Variants in FGF12 observed in about 807,000 individuals in gnomAD.
The protein encoded by FGF12 is fibroblast growth factor 12.
FGF12 carries 14 observed loss-of-function variants against 23.6 expected under a neutral mutation model. The observed-to-expected ratio is 0.59, with a 90% CI of 0.39 to 0.93. FGF12 has a LOEUF of 0.93. Among genes scored for constraint, FGF12 ranks in the 40% least tolerant of loss-of-function variants. The pLI, the probability that FGF12 is intolerant of heterozygous loss-of-function variation, is 0.00. For missense variants in FGF12, 175 were observed against 217.8 expected (o/e 0.80, Z 1.24); for synonymous variants, 62 against 77.3 (o/e 0.80, Z 1.04).
intron 4 of FGF12, among the ~76,000 whole-genome samples, chr3:192,300,982 C>G (rs1279574646): frequency 6.6e-6 from 1 of 152,074 alleles, no homozygotes; most frequent in Admixed American, 6.6e-5. Context: ...GCCTGGAGGA[C>G]AGAGTAAGAT....
intron 3 of FGF12, among the ~76,000 whole-genome samples, chr3:192,340,915 G>A (rs1717660065): frequency 1.3e-5 from 2 of 152,082 alleles, no homozygotes; most frequent in African/African-American, 4.8e-5. Flanking sequence ...TTATTTCTTG[G>A]ATAACGAAAA....
intron 2 of FGF12, among the ~76,000 whole-genome samples, chr3:192,565,773 AC>A (rs1712245987): frequency 6.6e-6 from 1 of 152,174 alleles, no homozygotes; most frequent in Non-Finnish European, 1.5e-5. Flanking sequence ...ATTTCTCAGA[AC>A]ATATCCCTGT....
At chr3:192,587,951 C>G (rs1273990537) in intron 2 of FGF12, among the ~76,000 whole-genome samples, 1 of 151,818 alleles carries the variant, frequency 6.6e-6, no homozygotes, top group African/African-American at 2.4e-5. Flanking sequence ...TTTGCCTTCA[C>G]TTTTGGTTAC....
At chr3:192,348,537 T>C (rs1045982191) in intron 3 of FGF12, among the ~76,000 whole-genome samples, 3 of 152,164 alleles carry the variant, frequency 2.0e-5, no homozygotes, top group African/African-American at 7.2e-5. Flanking sequence ...AAGTTCACTG[T>C]TTAGCCTGTC....
intron 4 of FGF12, among the ~76,000 whole-genome samples, chr3:192,172,919 G>A (rs1257681743): frequency 6.6e-6 from 1 of 150,998 alleles, no homozygotes; most frequent in African/African-American, 2.4e-5. Flanking sequence ...AATACAGTGT[G>A]ATAGTTCTAC....
chr3:192,655,483 G>C (rs1203626276), intron 2 of FGF12, among the ~76,000 whole-genome samples: 1 of 152,156 alleles, frequency 6.6e-6, no homozygotes, highest in Admixed American at 6.5e-5. Context: ...TAGAAGGATT[G>C]AGAAAAACTG....
intron 2 of FGF12, among the ~76,000 whole-genome samples, chr3:192,382,007 T>G (rs78039707): frequency 2.0e-5 from 3 of 151,848 alleles, no homozygotes; most frequent in East Asian, 3.9e-4. Context: ...TTTTTTTTTT[T>G]CTTTTTTGAG....
intron 2 of FGF12, among the ~76,000 whole-genome samples, chr3:192,407,773 A>G (rs1366583580): frequency 6.6e-6 from 1 of 152,198 alleles, no homozygotes; most frequent in Non-Finnish European, 1.5e-5. Context: ...CTCTTTTGGA[A>G]TAAGTGCATC....
intron 5 of FGF12, among the ~76,000 whole-genome samples, chr3:192,160,047 G>C (rs1251904541): frequency 1.3e-5 from 2 of 151,782 alleles, no homozygotes; most frequent in Non-Finnish European, 2.9e-5. Flanking sequence ...AGTCATCCCT[G>C]ATTTCTGTCT....
intron 2 of FGF12, among the ~76,000 whole-genome samples, chr3:192,460,491 T>C (rs1310288354): frequency 6.6e-6 from 1 of 151,888 alleles, no homozygotes; most frequent in Non-Finnish European, 1.5e-5. Context: ...GAGAATCAAC[T>C]CTGAAACAAA....
chr3:192,637,310 CT>C (rs1715620285), intron 2 of FGF12, among the ~76,000 whole-genome samples: 1 of 152,172 alleles, frequency 6.6e-6, no homozygotes, highest in African/African-American at 2.4e-5. Context: ...AGTGCTTTCA[CT>C]CATATTTCCT....
At chr3:192,602,872 C>G (rs2246599) in intron 2 of FGF12, among the ~76,000 whole-genome samples, 115,158 of 152,004 alleles carry the variant, frequency 0.76, 43,910 homozygotes, top group East Asian at 0.97. Context: ...TAGGAGGCAA[C>G]GTTGGTTCAA....
chr3:192,167,764 T>TATAA (rs1715288057), intron 5 of FGF12, among the ~76,000 whole-genome samples: 1 of 32,390 alleles, frequency 3.1e-5, no homozygotes. Context: ...TATATATATA[T>TATAA]ATATAAAATT....
intron 2 of FGF12, among the ~76,000 whole-genome samples, chr3:192,473,377 G>A (rs1216757369): frequency 6.6e-6 from 1 of 152,122 alleles, no homozygotes; most frequent in East Asian, 1.9e-4. Flanking sequence ...CTTATCATGA[G>A]TTGATGGTTA....
chr3:192,263,021 C>A (rs1481996289), intron 4 of FGF12, among the ~76,000 whole-genome samples: 2 of 151,926 alleles, frequency 1.3e-5, no homozygotes, highest in Non-Finnish European at 2.9e-5. Flanking sequence ...ACTTACAAGC[C>A]TTTTCCTTTT....
At chr3:192,340,875 G>A (rs1717658285) in intron 3 of FGF12, among the ~76,000 whole-genome samples, 1 of 152,020 alleles carries the variant, frequency 6.6e-6, no homozygotes, top group East Asian at 1.9e-4. Context: ...AAACATAGGG[G>A]AAAAAGTCAA....
chr3:192,347,451 A>T (rs1053888299), intron 3 of FGF12, among the ~76,000 whole-genome samples: 2 of 152,176 alleles, frequency 1.3e-5, no homozygotes, highest in Admixed American at 6.5e-5. Context: ...AGACTTCCTG[A>T]TTCAAAAACA....
intron 2 of FGF12, among the ~76,000 whole-genome samples, chr3:192,486,463 A>T (rs1723637240): frequency 6.6e-6 from 1 of 152,094 alleles, no homozygotes; most frequent in Admixed American, 6.6e-5. Context: ...GCCATGTAAA[A>T]ACAAAGAGTG....
chr3:192,278,669 C>G (rs1311906930), intron 4 of FGF12, among the ~76,000 whole-genome samples: 2 of 152,090 alleles, frequency 1.3e-5, no homozygotes, highest in Non-Finnish European at 2.9e-5. Context: ...GAAAAGCCTA[C>G]ATATGGTAGA....
Sources: allele counts gnomAD v4.1 joint callset (sites outside exome capture counted in the v4.1 genomes callset), GRCh38; gene constraint gnomAD v4.1.1; transcripts MANE v1.5; gene names NCBI Gene and HGNC (gene_info 2026-07-23, HGNC 2026-07-21).